The following TCF20 variants were observed in gnomAD, a reference collection of about 807,000 sequenced individuals.
TCF20 encodes the protein transcription factor 20, also known as SPRE-binding protein.
Under a neutral mutation model 148.6 loss-of-function variants are expected in TCF20, and 3 were observed. The observed-to-expected ratio is 0.02, with a 90% CI of 0.01 to 0.05. The LOEUF (loss-of-function observed/expected upper bound fraction) is 0.05. TCF20 is among the 10% of genes least tolerant of loss of function. The probability of loss-of-function intolerance (pLI) is 1.00; values close to 1 mark genes in which losing one functional copy is unlikely to be tolerated. For synonymous variants in TCF20, 1,049 were observed against 909.5 expected (o/e 1.15, Z -2.76); for missense variants, 2,350 against 2,429.3 (o/e 0.97, Z 0.69).
At chr22:42,235,318 A>C (rs1923790151) in intron 1 of TCF20, among the ~76,000 whole-genome samples, 1 of 152,182 alleles carries the variant, frequency 6.6e-6, no homozygotes, top group Non-Finnish European at 1.5e-5. Context: ...AGGAACAGTA[A>C]CCATAAAACT....
At chr22:42,339,503 G>A (rs759067725) in intron 1 of TCF20, among the ~76,000 whole-genome samples, 5 of 152,244 alleles carry the variant, frequency 3.3e-5, no homozygotes, top group Non-Finnish European at 5.9e-5. Context: ...GCAGCGAACT[G>A]CATGGAAGGC....
chr22:42,172,209 T>C (rs970732995), intron 3 of TCF20, among the ~76,000 whole-genome samples: 3 of 152,180 alleles, frequency 2.0e-5, no homozygotes, highest in African/African-American at 7.2e-5. Flanking sequence ...GGAAGCACAA[T>C]TCACGTTCCT....
chr22:42,222,132 T>C (rs1467754089), intron 1 of TCF20, among the ~76,000 whole-genome samples: 1 of 152,206 alleles, frequency 6.6e-6, no homozygotes, highest in African/African-American at 2.4e-5. Flanking sequence ...ACAGTGTCAC[T>C]TGTGACTGTA....
rs147254163 is a variant in TCF20, at chr22:42,212,726, G to C, written c.2580C>G (p.Leu860=). The C allele has an allele frequency of 9.0e-5, 145 of 1,614,226 alleles. No homozygotes were observed. The African/African-American group carries it at 1.3e-3, about 14-fold the overall frequency. ...QSSAHEPGGS[L]SERRSVICDI... is the part of the protein sequence containing the mutation. ...CACAGATCACTGATCTTCTTTCAGA[G>C]AGGGAACCCCCAGGCTCATGTGCTG... is the stretch of plus-strand genomic sequence containing the variant. Residue 860 remains leucine, a synonymous_variant, in exon 2 of 6, where the codon CTC becomes CTG. Transcript: ENST00000677622.
chr22:42,238,398 A>G lies in TCF20; in HGVS notation c.-36-23057T>C, dbSNP rs544901903. Among the ~76,000 whole-genome samples, 21 of 152,330 alleles carry G rather than the reference A, an allele frequency of 1.4e-4. 1 individual carries two copies. Among genetic ancestry groups the G allele is most frequent in the African/African-American group, 4.6e-4 (19 of 41,584 alleles). On this transcript the variant is annotated intron_variant, in intron 1 of 5. Transcript: ENST00000677622. ...CCATCTGAGTCACTAAAACTTTTCCATATCAGCAATAAGCTGTTTCGTTTT... is the reference window on the plus strand; with the variant it reads ...CCATCTGAGTCACTAAAACTTTTCCGTATCAGCAATAAGCTGTTTCGTTTT...
intron 2 of TCF20, among the ~76,000 whole-genome samples, chr22:42,194,146 G>GA (rs1421206052): frequency 6.6e-6 from 1 of 152,176 alleles, no homozygotes; most frequent in African/African-American, 2.4e-5. Flanking sequence ...TATGTGGCTG[G>GA]ATCATTTCCT....
intron 2 of TCF20, among the ~76,000 whole-genome samples, chr22:42,194,614 T>C (rs1937506188): frequency 6.6e-6 from 1 of 150,680 alleles, no homozygotes; most frequent in Admixed American, 6.6e-5. Context: ...GGGGCGGGGG[T>C]AGCGGTAGAT....
chr22:42,166,779 C>T (rs1334022011), intron 5 of TCF20, among the ~76,000 whole-genome samples: 1 of 152,128 alleles, frequency 6.6e-6, no homozygotes, highest in African/African-American at 2.4e-5. Context: ...AAACAAAAAA[C>T]ACTTAAGCTC....
rs9623545 is a variant in TCF20, at chr22:42,244,405, C to T, written c.-37+25934G>A. Among the ~76,000 whole-genome samples, 272 of 152,198 alleles carry T rather than the reference C, an allele frequency of 1.8e-3. 1 individual carries two copies. Among genetic ancestry groups the T allele is most frequent in the African/African-American group, 6.2e-3 (259 of 41,508 alleles). On this transcript the variant is annotated intron_variant, in intron 1 of 5. Transcript: ENST00000677622. ...ACCGAAATGTCCATCAACAGATGAA[C>T]GGATGAACAGATTGTGGTATATACA...
intron 1 of TCF20, among the ~76,000 whole-genome samples, chr22:42,230,889 T>G (rs1031479936): frequency 1.6e-4 from 25 of 151,808 alleles, no homozygotes; most frequent in African/African-American, 5.5e-4. Context: ...CTCGGTGAGG[T>G]GGCTCACGTC....
At chr22:42,275,045 G>A (rs1238512089), upstream of TCF20, 1 of 152,260 alleles carries the variant, frequency 6.6e-6, no homozygotes, top group Non-Finnish European at 1.5e-5. Context: ...GTTTGGAAGA[G>A]GCTGAGCTGG....
At chr22:42,270,776 G>GCGCGCGCGTGCC (rs1491241759), upstream of TCF20, among the ~76,000 whole-genome samples, 258 of 145,132 alleles carry the variant, frequency 1.8e-3, no homozygotes, top group Non-Finnish European at 2.8e-3. Context: ...GCGGGGCCGG[G>GCGCGCGCGTGCC]CGCGCGCGTG....
At chr22:42,239,054 C>A (rs1174161744) in intron 1 of TCF20, among the ~76,000 whole-genome samples, 1 of 151,606 alleles carries the variant, frequency 6.6e-6, no homozygotes, top group Non-Finnish European at 1.5e-5. Flanking sequence ...GCAGGCAGAG[C>A]TTGCAGTGAG....
intron 1 of TCF20, among the ~76,000 whole-genome samples, chr22:42,263,119 A>C (rs917040571): frequency 1.3e-5 from 2 of 152,196 alleles, no homozygotes; most frequent in Non-Finnish European, 2.9e-5. Context: ...ACAGATAAGG[A>C]AACTACAGCT....
At position 42,164,714 on chromosome 22, in the gene TCF20, C is replaced by T. The variant is rs184069792; in HGVS notation, c.*45-3356G>A. Among the ~76,000 whole-genome samples, 641 of 152,172 alleles carry T rather than the reference C, an allele frequency of 4.2e-3. 3 individuals are homozygous for T. Among genetic ancestry groups the T allele is most frequent in the Non-Finnish European group, 6.6e-3 (452 of 68,004 alleles). On this transcript the variant is annotated intron_variant, in intron 5 of 5. Coordinates refer to ENST00000677622, the MANE Select transcript of TCF20 (RefSeq NM_001378418.1). ...GTGGTGATGCTAGGATGGCTGCAAG[C>T]GAGGAGGGGGGCAATGGAGACAAGG... is the stretch of plus-strand genomic sequence containing the variant.
intron 1 of TCF20, among the ~76,000 whole-genome samples, chr22:42,248,899 G>C (rs957945895): frequency 5.3e-5 from 8 of 152,198 alleles, no homozygotes; most frequent in Non-Finnish European, 1.2e-4. Context: ...CTTAATTTTA[G>C]CTATCAACTT....
intron 3 of TCF20, among the ~76,000 whole-genome samples, chr22:42,171,183 C>T (rs1936113393): frequency 6.6e-6 from 1 of 152,220 alleles, no homozygotes; most frequent in African/African-American, 2.4e-5. Context: ...TGAGTTCACT[C>T]TGCACACCAC....
At chr22:42,331,506 C>A (rs1198663071) in intron 1 of TCF20, among the ~76,000 whole-genome samples, 4 of 152,270 alleles carry the variant, frequency 2.6e-5, no homozygotes, top group Non-Finnish European at 5.9e-5. Context: ...ACCCCCATCA[C>A]CAGCCCTATT....
intron 1 of TCF20, among the ~76,000 whole-genome samples, chr22:42,307,963 T>C (rs1927465039): frequency 6.6e-6 from 1 of 152,258 alleles, no homozygotes; most frequent in Non-Finnish European, 1.5e-5. Flanking sequence ...GTTATTATAA[T>C]GGCCTTGGCC....
Sources: allele counts gnomAD v4.1 joint callset (sites outside exome capture counted in the v4.1 genomes callset), GRCh38; gene constraint gnomAD v4.1.1; transcripts MANE v1.5; gene names NCBI Gene and HGNC (gene_info 2026-07-23, HGNC 2026-07-21).